Variants in MAPK10 observed in about 807,000 individuals in gnomAD.
MAPK10 encodes the protein JNK3 alpha protein kinase.
Under a neutral mutation model 59.3 loss-of-function variants are expected in MAPK10, and 25 were observed. The ratio of observed to expected loss-of-function variants is 0.42; its 90% CI spans 0.31 to 0.59. MAPK10 has a LOEUF of 0.59. Ranked by LOEUF, MAPK10 falls within the 20% of genes least tolerant of loss-of-function variation. MAPK10 has a pLI of 0.15. For synonymous variants in MAPK10, 190 were observed against 200.5 expected, an observed-to-expected ratio of 0.95 and a Z score of 0.44; for missense variants, 351 against 568.9, an observed-to-expected ratio of 0.62 and a Z score of 3.90.
chr4:86,363,723 G>T (rs1333116957), upstream of MAPK10, among the ~76,000 whole-genome samples: 1 of 149,532 alleles, frequency 6.7e-6, no homozygotes, highest in East Asian at 2.0e-4. Context: ...CTGTACAACA[G>T]ATCTGAAAAT....
chr4:86,548,045 C>T (rs572291225), intron 1 of MAPK10, among the ~76,000 whole-genome samples: 5 of 152,290 alleles, frequency 3.3e-5, no homozygotes, highest in African/African-American at 1.2e-4. Context: ...CTCAGGTCCC[C>T]TTCCACACTG....
intron 1 of MAPK10, among the ~76,000 whole-genome samples, chr4:86,523,481 G>A (rs1215832574): frequency 6.6e-6 from 1 of 152,202 alleles, no homozygotes. Context: ...ATTCTGGTAA[G>A]TTTCCACTGT....
chr4:86,057,285 T>C (rs966019025), intron 11 of MAPK10, among the ~76,000 whole-genome samples: 1 of 150,070 alleles, frequency 6.7e-6, no homozygotes, highest in African/African-American at 2.5e-5. Flanking sequence ...TTAAAAATCA[T>C]AGCTAAAAGT....
chr4:86,245,412 A>G (rs1216420315), intron 2 of MAPK10, among the ~76,000 whole-genome samples: 1 of 152,008 alleles, frequency 6.6e-6, no homozygotes. Flanking sequence ...TCCAGGCTCA[A>G]GTGATCCTCC....
intron 9 of MAPK10, chr4:86,089,210 A>G (rs1287903953): frequency 6.2e-6 from 10 of 1,611,140 alleles, no homozygotes; most frequent in Non-Finnish European, 7.6e-6. Context: ...GGATACGATC[A>G]GTGCCAGGAA....
intron 1 of MAPK10, among the ~76,000 whole-genome samples, chr4:86,424,173 C>CT (rs1013349616): frequency 3.9e-4 from 58 of 150,446 alleles, no homozygotes; most frequent in Non-Finnish European, 1.6e-4. Context: ...TTCTTCAAGT[C>CT]TTTTTTTTTC....
chr4:86,528,745 C>T (rs1184110954), intron 1 of MAPK10, among the ~76,000 whole-genome samples: 17 of 152,170 alleles, frequency 1.1e-4, no homozygotes, highest in Admixed American at 5.9e-4. Context: ...GTAAATGCCC[C>T]AAACTTTCCT....
intron 2 of MAPK10, among the ~76,000 whole-genome samples, chr4:86,216,677 GAAGT>G (rs1292510955): frequency 6.6e-6 from 1 of 151,712 alleles, no homozygotes; most frequent in African/African-American, 2.4e-5. Flanking sequence ...AGAAAATGAT[GAAGT>G]AATTATTGTT....
intron 3 of MAPK10, among the ~76,000 whole-genome samples, chr4:86,163,216 T>C (rs1331031901): frequency 6.6e-6 from 1 of 152,080 alleles, no homozygotes; most frequent in Non-Finnish European, 1.5e-5. Flanking sequence ...AAAAATTTGA[T>C]AGCAAATATG....
Position 86,232,842 on chromosome 4 carries a change from T to G in MAPK10, c.-6-38435A>C, listed in dbSNP as rs571791411. 2.0e-3 allele frequency among the ~76,000 whole-genome samples: 301 copies of G among 151,680 alleles called. 1 individual carries two copies. Among genetic ancestry groups the G allele is most frequent in the Non-Finnish European group, 3.4e-3 (234 of 67,858 alleles). ...CTCTTCCTCTTCTATTTAATTTTTC[T>G]TAACTTCTATATGCTTTGTTGTTGG... On this transcript the variant is annotated intron_variant, in intron 2 of 13. Coordinates refer to ENST00000641462, the MANE Select transcript of MAPK10 (RefSeq NM_138982.4).
chr4:86,148,682 T>C (rs1374086249), intron 4 of MAPK10, among the ~76,000 whole-genome samples: 4 of 152,200 alleles, frequency 2.6e-5, no homozygotes, highest in Non-Finnish European at 4.4e-5. Context: ...ACTGAAGGAA[T>C]AGCAATCCTC....
chr4:86,344,358 GAT>G (rs796429499), intron 2 of MAPK10, among the ~76,000 whole-genome samples: 5 of 152,208 alleles, frequency 3.3e-5, no homozygotes, highest in African/African-American at 1.2e-4. Context: ...GGGCTCAAGC[GAT>G]CCTGCCTCAG....
At chr4:86,173,550 C>G (rs949725432) in intron 3 of MAPK10, among the ~76,000 whole-genome samples, 1 of 152,100 alleles carries the variant, frequency 6.6e-6, no homozygotes, top group Non-Finnish European at 1.5e-5. Flanking sequence ...TAGGCAATAT[C>G]ATTCAGGAAA....
intron 2 of MAPK10, among the ~76,000 whole-genome samples, chr4:86,353,676 G>A (rs1362886069): frequency 6.6e-6 from 1 of 152,102 alleles, no homozygotes; most frequent in Non-Finnish European, 1.5e-5. Flanking sequence ...CGCAGTCATA[G>A]GCTGTGCATT....
At position 86,071,110 on chromosome 4, in the gene MAPK10, A is replaced by T. The variant is rs1419237792; in HGVS notation, c.803-3155T>A. Among the ~76,000 whole-genome samples the T allele has an allele frequency of 2.7e-4, 40 of 150,566 alleles. 1 individual carries two copies. Among genetic ancestry groups the T allele is most frequent in the East Asian group, 2.0e-3 (10 of 5,096 alleles). ...TAACTGGTGTGAGATGGTATCTCATAGTGGTTTTGATTTGCATTTCTCTGA... is the reference window on the plus strand; with the variant it reads ...TAACTGGTGTGAGATGGTATCTCATTGTGGTTTTGATTTGCATTTCTCTGA... On this transcript the variant is annotated intron_variant, in intron 9 of 13. Coordinates refer to ENST00000641462, the MANE Select transcript of MAPK10 (RefSeq NM_138982.4).
intron 2 of MAPK10, among the ~76,000 whole-genome samples, chr4:86,196,776 A>G (rs568135499): frequency 6.6e-6 from 1 of 152,256 alleles, no homozygotes; most frequent in East Asian, 1.9e-4. Context: ...TTTTCTGCAT[A>G]TGGCTAGCCA....
chr4:86,394,031 G>A (rs1164414241), intron 1 of MAPK10, among the ~76,000 whole-genome samples: 2 of 152,206 alleles, frequency 1.3e-5, no homozygotes, highest in Non-Finnish European at 2.9e-5. Context: ...AGCACTTTGG[G>A]AGGCCGAGGT....
chr4:86,311,210 C>T (rs914436677), intron 2 of MAPK10, among the ~76,000 whole-genome samples: 28 of 152,028 alleles, frequency 1.8e-4, no homozygotes, highest in African/African-American at 5.8e-4. Flanking sequence ...AATGACTCAA[C>T]ATTAATAAGG....
intron 3 of MAPK10, among the ~76,000 whole-genome samples, chr4:86,164,832 T>A (rs2071075588): frequency 6.6e-6 from 1 of 152,178 alleles, no homozygotes; most frequent in South Asian, 2.1e-4. Context: ...GTGGTACCAA[T>A]TAATATGAAT....
Sources: gnomAD v4.1 joint callset for allele counts (sites outside exome capture counted in the v4.1 genomes callset) on GRCh38, gnomAD v4.1.1 for gene constraint, MANE v1.5 for transcripts, NCBI Gene and HGNC (gene_info 2026-07-23, HGNC 2026-07-21) for gene names.